Variants in ADRA1B observed in about 807,000 individuals in gnomAD.
ADRA1B encodes alpha-1B adrenergic receptor.
A neutral mutation model predicts 17.9 loss-of-function variants in ADRA1B; 17 were observed. The ratio of observed to expected loss-of-function variants is 0.95; its 90% CI spans 0.65 to 1.42. ADRA1B has a LOEUF of 1.42. Among genes scored for constraint, ADRA1B ranks in the 40% most tolerant of loss-of-function variants. ADRA1B has a pLI of 0.00. For missense variants in ADRA1B, 681 were observed against 722.1 expected (o/e 0.94, Z 0.65); for synonymous variants, 366 against 327.6 (o/e 1.12, Z -1.27).
At chr5:159,933,546 C>A (rs1754871192) in intron 1 of ADRA1B, among the ~76,000 whole-genome samples, 1 of 152,222 alleles carries the variant, frequency 6.6e-6, no homozygotes, top group African/African-American at 2.4e-5. Context: ...GATAAGATGT[C>A]TTGAAAGCTT....
At chr5:159,973,485 C>T (rs954412749), downstream of ADRA1B, among the ~76,000 whole-genome samples, 1 of 152,184 alleles carries the variant, frequency 6.6e-6, no homozygotes, top group Non-Finnish European at 1.5e-5. Context: ...GGCTGGTTCC[C>T]TTCCCCTCAC....
the ADRA1B span, among the ~76,000 whole-genome samples, chr5:159,979,666 G>C: frequency 6.6e-6 from 1 of 152,034 alleles, no homozygotes; most frequent in East Asian, 1.9e-4. Context: ...TCAGGAGTTC[G>C]AGACCAGACT....
At chr5:159,880,145 C>G (rs1012950456) in intron 1 of ADRA1B, among the ~76,000 whole-genome samples, 2 of 152,202 alleles carry the variant, frequency 1.3e-5, no homozygotes, top group African/African-American at 2.4e-5. Flanking sequence ...TTTTTGGGCA[C>G]TACCCTATGC....
intron 1 of ADRA1B, among the ~76,000 whole-genome samples, chr5:159,920,477 C>T (rs1393491053): frequency 6.6e-6 from 1 of 152,108 alleles, no homozygotes; most frequent in Admixed American, 6.6e-5. Flanking sequence ...GTTCTTGCCA[C>T]CTTGATGCTA....
chr5:159,900,713 A>C (rs1241472445), intron 1 of ADRA1B, among the ~76,000 whole-genome samples: 2 of 152,072 alleles, frequency 1.3e-5, no homozygotes, highest in Admixed American at 1.3e-4. Flanking sequence ...CATACCCCCC[A>C]CTGAGCAAGC....
chr5:159,873,075 T>A (rs940232571), intron 1 of ADRA1B, among the ~76,000 whole-genome samples: 3 of 152,146 alleles, frequency 2.0e-5, no homozygotes, highest in African/African-American at 7.2e-5. Flanking sequence ...GGTTTCTAGC[T>A]TCATCCATGT....
intron 1 of ADRA1B, chr5:159,868,125 T>C (rs1753685873): frequency 6.6e-6 from 1 of 152,172 alleles, no homozygotes. Flanking sequence ...GGTGATATTG[T>C]AAACACCTAC....
At chr5:159,888,208 A>T (rs1225153155) in intron 1 of ADRA1B, 8 of 152,144 alleles carry the variant, frequency 5.3e-5, no homozygotes, top group African/African-American at 1.9e-4. Context: ...AATATTCATG[A>T]CCGTCACTGT....
intron 1 of ADRA1B, among the ~76,000 whole-genome samples, chr5:159,937,055 A>C (rs78695043): frequency 0.032 from 4,853 of 152,284 alleles, 108 homozygotes; most frequent in Middle Eastern, 0.048. Flanking sequence ...TGGAGGTGCA[A>C]CCCAAGCAGT....
chr5:159,987,462 GCAGTGACCGAGCCCGCTCCACGCCC>G, the ADRA1B span, among the ~76,000 whole-genome samples: 41 of 152,234 alleles, frequency 2.7e-4, no homozygotes, highest in Admixed American at 1.3e-3. Flanking sequence ...TTTAGACACT[GCAGTGACCGAGCCCGCTCCACGCCC>G]CTTTCCCCTG....
intron 1 of ADRA1B, among the ~76,000 whole-genome samples, chr5:159,930,780 G>A (rs1754782050): frequency 6.6e-6 from 1 of 151,612 alleles, no homozygotes; most frequent in South Asian, 2.1e-4. Context: ...TATAACCTCT[G>A]TATTATTTCA....
upstream of ADRA1B, among the ~76,000 whole-genome samples, chr5:159,913,174 A>C (rs559004554): frequency 6.6e-6 from 1 of 152,332 alleles, no homozygotes; most frequent in South Asian, 2.1e-4. Context: ...TTTCTAATGC[A>C]ATAAGATGGA....
intron 1 of ADRA1B, among the ~76,000 whole-genome samples, chr5:159,964,082 G>A (rs1357913897): frequency 1.3e-5 from 2 of 152,224 alleles, no homozygotes; most frequent in Non-Finnish European, 1.5e-5. Context: ...ATGGATTTGG[G>A]TGGTGTGCAA....
At chr5:159,867,554 C>A (rs894374624) in intron 1 of ADRA1B, among the ~76,000 whole-genome samples, 3 of 152,164 alleles carry the variant, frequency 2.0e-5, no homozygotes, top group African/African-American at 7.2e-5. Context: ...TAGTATTTTA[C>A]AGCTATACTT....
chr5:159,972,116 C>T lies in ADRA1B; in HGVS notation c.1187C>T (p.Ser396Leu). The part of the protein sequence containing the change: ...YTYRPWTRGG[S>L]LERSQSRKDS... ...TACCGGCCGTGGACGCGCGGCGGCTCGCTGGAGCGCTCGCAGTCGCGCAAG... is the reference window on the plus strand; with the variant it reads ...TACCGGCCGTGGACGCGCGGCGGCTTGCTGGAGCGCTCGCAGTCGCGCAAG... Residue 396 changes from serine (S) to leucine (L), a missense_variant, in exon 2 of 2, where the codon TCG (serine) becomes TTG (leucine). Ser to Leu is a moderately radical substitution (Grantham distance 145). Coordinates refer to ENST00000306675, the MANE Select transcript of ADRA1B (RefSeq NM_000679.4). The T allele has an allele frequency of 7.6e-7, 1 of 1,316,646 alleles. No homozygotes were observed. Among genetic ancestry groups the T allele is most frequent in the Non-Finnish European group, 9.8e-7 (1 of 1,023,996 alleles). 81.6% of individuals were successfully genotyped at this position (1,316,646 alleles called of 1,614,324 possible).
At chr5:159,874,770 A>G (rs1753784704) in intron 1 of ADRA1B, among the ~76,000 whole-genome samples, 1 of 152,226 alleles carries the variant, frequency 6.6e-6, no homozygotes, top group Non-Finnish European at 1.5e-5. Context: ...CAGAGTCCTC[A>G]GGTCCATGGA....
upstream of ADRA1B, among the ~76,000 whole-genome samples, chr5:159,913,647 T>C (rs1405597615): frequency 6.6e-6 from 1 of 152,212 alleles, no homozygotes; most frequent in East Asian, 1.9e-4. Context: ...CATCTCTGAA[T>C]CTCAGATTTG....
Position 159,917,886 on chromosome 5 carries a change from G to A in ADRA1B, c.949+32G>A, listed in dbSNP as rs8192449. On this transcript the variant is annotated intron_variant, in intron 1 of 1. Transcript: ENST00000306675. ...TGGGGACTAGCAGCAGGGGGACTGG[G>A]CATTTTTGGACCTTGGGTTTACTGA... The A allele has an allele frequency of 3.5e-3, 5,393 of 1,550,980 alleles. 10 individuals carry two copies. Among genetic ancestry groups the A allele is most frequent in the Non-Finnish European group, 4.0e-3 (4,654 of 1,150,866 alleles).
intron 1 of ADRA1B, among the ~76,000 whole-genome samples, chr5:159,883,093 C>A (rs1345470908): frequency 6.6e-6 from 1 of 152,148 alleles, no homozygotes; most frequent in Non-Finnish European, 1.5e-5. Flanking sequence ...TTTACTGTTA[C>A]CCTTAAGGCA....
Sources: gnomAD v4.1 joint callset for allele counts (sites outside exome capture counted in the v4.1 genomes callset) on GRCh38, gnomAD v4.1.1 for gene constraint, MANE v1.5 for transcripts, NCBI Gene and HGNC (gene_info 2026-07-23, HGNC 2026-07-21) for gene names.